Variants in RAB38 observed in about 807,000 individuals in gnomAD.
RAB38 encodes ras-related protein Rab-38.
RAB38 carries 15 observed loss-of-function variants against 18.4 expected under a neutral mutation model. The ratio of observed to expected loss-of-function variants is 0.82; its 90% confidence interval spans 0.55 to 1.26. The LOEUF is 1.26. Ranked by LOEUF, RAB38 falls within the 50% of genes most tolerant of loss-of-function variation. The pLI is 0.00. For missense variants in RAB38, 294 were observed against 267.4 expected (o/e 1.10, Z -0.69); for synonymous variants, 101 against 104.4 (o/e 0.97, Z 0.20).
the RAB38 span, among the ~76,000 whole-genome samples, chr11:88,004,348 A>C: frequency 1.3e-5 from 2 of 151,154 alleles, no homozygotes; most frequent in African/African-American, 4.8e-5. Context: ...GAAATCAATC[A>C]GTGTAATTTA....
the RAB38 span, among the ~76,000 whole-genome samples, chr11:87,856,523 A>C: frequency 6.6e-6 from 1 of 152,188 alleles, no homozygotes; most frequent in Admixed American, 6.6e-5. Flanking sequence ...AATATTTTAT[A>C]TAGATTTTAG....
chr11:88,052,917 TATATATATATATATATA>T, the RAB38 span, among the ~76,000 whole-genome samples: 33 of 14,030 alleles, frequency 2.4e-3, 5 homozygotes, highest in East Asian at 0.023. Flanking sequence ...TATATATATA[TATATATATATATATATA>T]TATATATATA....
chr11:87,813,707 G>GC, the RAB38 span, among the ~76,000 whole-genome samples: 1 of 152,214 alleles, frequency 6.6e-6, no homozygotes, highest in Middle Eastern at 3.4e-3. Flanking sequence ...TTCAGCTGGA[G>GC]TTTTTTTACA....
chr11:88,148,676 T>C (rs1943022490), intron 2 of RAB38, among the ~76,000 whole-genome samples: 1 of 152,186 alleles, frequency 6.6e-6, no homozygotes, highest in African/African-American at 2.4e-5. Context: ...AAGTGTGAAC[T>C]CCATAAGTAC....
chr11:87,907,106 A>G, the RAB38 span, among the ~76,000 whole-genome samples: 1 of 151,910 alleles, frequency 6.6e-6, no homozygotes, highest in African/African-American at 2.4e-5. Flanking sequence ...TTAAATAGTT[A>G]TGTATGGTAT....
At chr11:87,963,194 C>A in the RAB38 span, among the ~76,000 whole-genome samples, 4 of 152,078 alleles carry the variant, frequency 2.6e-5, no homozygotes, top group African/African-American at 9.7e-5. Flanking sequence ...ACATATAATA[C>A]ACACATACAT....
chr11:88,005,905 TC>T, the RAB38 span, among the ~76,000 whole-genome samples: 1 of 151,558 alleles, frequency 6.6e-6, no homozygotes, highest in Non-Finnish European at 1.5e-5. Flanking sequence ...ATATCAGTTG[TC>T]TATAGATGCT....
chr11:87,892,052 A>G, the RAB38 span, among the ~76,000 whole-genome samples: 2 of 151,924 alleles, frequency 1.3e-5, no homozygotes, highest in Admixed American at 6.6e-5. Context: ...TACCTGTTCA[A>G]TGTCTCTTTG....
the RAB38 span, among the ~76,000 whole-genome samples, chr11:87,912,391 T>A: frequency 1.3e-5 from 2 of 152,000 alleles, no homozygotes; most frequent in African/African-American, 2.4e-5. Flanking sequence ...ATAGGGCTAT[T>A]CAGGTCACCT....
chr11:88,113,731 C>A lies in RAB38; in HGVS notation c.*257G>T, dbSNP rs1272750806. The A allele has an allele frequency of 4.9e-6, 2 of 406,844 alleles. No individual in the cohort carries two copies. Among genetic ancestry groups the A allele is most frequent in the Admixed American group, 3.7e-5 (1 of 26,768 alleles). The allele number at this position is 406,844 out of a possible 1,614,324, so 25.2% of individuals were successfully genotyped here. A position where few individuals can be genotyped will look rare whatever the true frequency, so the allele number is the denominator to read the frequency against. Reference sequence around the variant, plus strand: ...AATAACAGTGCCGACTGTGGCCCTGCAGGATTTTGGTCAGCTACATGACAG... The same window carrying A: ...AATAACAGTGCCGACTGTGGCCCTGAAGGATTTTGGTCAGCTACATGACAG... On this transcript the variant is annotated 3_prime_UTR_variant, in exon 3 of 3. Coordinates refer to ENST00000243662, the MANE Select transcript of RAB38 (RefSeq NM_022337.3).
chr11:88,027,567 T>C, the RAB38 span, among the ~76,000 whole-genome samples: 3 of 152,184 alleles, frequency 2.0e-5, no homozygotes, highest in Non-Finnish European at 4.4e-5. Flanking sequence ...ACCAGGAGAT[T>C]ATATCCCGCA....
the RAB38 span, among the ~76,000 whole-genome samples, chr11:88,024,847 G>C: frequency 3.9e-3 from 597 of 152,204 alleles, 2 homozygotes; most frequent in African/African-American, 0.014. Context: ...TAGAAGGATG[G>C]TTGGCAGAGA....
chr11:88,070,739 G>A, the RAB38 span, among the ~76,000 whole-genome samples: 2 of 152,142 alleles, frequency 1.3e-5, no homozygotes, highest in Admixed American at 1.3e-4. Flanking sequence ...AGACAATGTT[G>A]TTCCCACCCA....
At chr11:88,037,330 C>A in the RAB38 span, among the ~76,000 whole-genome samples, 1 of 151,982 alleles carries the variant, frequency 6.6e-6, no homozygotes, top group Admixed American at 6.6e-5. Context: ...AATACTTTCA[C>A]CTTTTATTCT....
the RAB38 span, among the ~76,000 whole-genome samples, chr11:88,059,887 C>T: frequency 6.6e-6 from 1 of 152,210 alleles, no homozygotes; most frequent in Admixed American, 6.5e-5. Context: ...CATTTTCCTG[C>T]CCACTGTCCT....
At chr11:88,016,715 G>A in the RAB38 span, among the ~76,000 whole-genome samples, 11 of 151,986 alleles carry the variant, frequency 7.2e-5, no homozygotes, top group Admixed American at 2.6e-4. Context: ...CTTAAAAGCA[G>A]GTAGATTCAA....
At chr11:88,134,058 C>G (rs1942800155) in intron 2 of RAB38, among the ~76,000 whole-genome samples, 1 of 152,188 alleles carries the variant, frequency 6.6e-6, no homozygotes, top group Non-Finnish European at 1.5e-5. Flanking sequence ...AACAACCAAA[C>G]ATATCTGCAG....
chr11:88,031,341 C>G, the RAB38 span, among the ~76,000 whole-genome samples: 6 of 147,862 alleles, frequency 4.1e-5, no homozygotes, highest in Admixed American at 4.1e-4. Flanking sequence ...TCCTCTCTCA[C>G]CACTCCTATT....
the RAB38 span, among the ~76,000 whole-genome samples, chr11:87,873,918 G>GTATATATA: frequency 2.4e-5 from 1 of 41,068 alleles, no homozygotes; most frequent in Non-Finnish European, 4.9e-5. Flanking sequence ...ATGTGTGTGT[G>GTATATATA]TGTGTATATA....
Sources: allele counts gnomAD v4.1 joint callset (sites outside exome capture counted in the v4.1 genomes callset), GRCh38; gene constraint gnomAD v4.1.1; transcripts MANE v1.5; gene names NCBI Gene and HGNC (gene_info 2026-07-23, HGNC 2026-07-21).